NOL4L: variants seen among roughly 807,000 people sequenced by gnomAD.
NOL4L encodes nucleolar protein 4-like.
In NOL4L, 7 loss-of-function variants were observed where a neutral mutation model predicts 64.5. The ratio of observed to expected loss-of-function variants is 0.11; its 90% CI spans 0.06 to 0.20. The LOEUF (loss-of-function observed/expected upper bound fraction) is 0.20, where lower values mean the gene tolerates loss of function less well. NOL4L is among the 10% of genes least tolerant of loss of function. NOL4L has a pLI of 1.00. For missense variants in NOL4L, 680 were observed against 967.1 expected (o/e 0.70, Z 3.94); for synonymous variants, 413 against 401.0 (o/e 1.03, Z -0.36).
chr20:32,449,591 G>C (rs1416109160), intron 10 of NOL4L, among the ~76,000 whole-genome samples: 2 of 152,226 alleles, frequency 1.3e-5, no homozygotes, highest in Non-Finnish European at 2.9e-5. Flanking sequence ...TAGCGTCCTT[G>C]GAATTGAGAG....
At chr20:32,546,830 A>G (rs6119890) in intron 1 of NOL4L, among the ~76,000 whole-genome samples, 6,424 of 152,070 alleles carry the variant, frequency 0.042, 407 homozygotes, top group African/African-American at 0.15. Flanking sequence ...TTGACTTTCA[A>G]CTCCTTGGGT....
intron 1 of NOL4L, among the ~76,000 whole-genome samples, chr20:32,565,443 A>C (rs960674611): frequency 6.6e-6 from 1 of 152,182 alleles, no homozygotes; most frequent in African/African-American, 2.4e-5. Flanking sequence ...CATAGCACAC[A>C]TGTGCAGGAG....
At chr20:32,535,821 AGGGGCT>A in intron 1 of NOL4L, 1 of 985,364 alleles carries the variant, frequency 1.0e-6, no homozygotes, top group East Asian at 1.1e-4. Context: ...TTAGAAGGAG[AGGGGCT>A]GGGGAAATGC....
intron 1 of NOL4L, chr20:32,573,681 C>T: frequency 5.0e-6 from 1 of 201,416 alleles, no homozygotes; most frequent in Non-Finnish European, 1.0e-5. Context: ...CAAGACTGCA[C>T]AGCAGTAAGC....
At chr20:32,493,369 G>T (rs2016543174) in intron 4 of NOL4L, among the ~76,000 whole-genome samples, 1 of 152,140 alleles carries the variant, frequency 6.6e-6, no homozygotes, top group African/African-American at 2.4e-5. Context: ...AGGCTCTGGG[G>T]CCCGGGATGC....
intron 5 of NOL4L, among the ~76,000 whole-genome samples, chr20:32,468,439 C>G (rs752935663): frequency 1.1e-4 from 17 of 152,200 alleles, no homozygotes; most frequent in Non-Finnish European, 2.9e-5. Context: ...AGGCCACCTC[C>G]TCCCAGGCCC....
rs1422304562 is a variant in NOL4L at position 32,443,619 on chromosome 20, G to A, written c.*3977C>T. On this transcript the variant is annotated 3_prime_UTR_variant, in exon 11 of 11. Transcript: ENST00000621426. ...ATGGCTTGTACTATCTGCACTGAAA[G>A]TCTTAAATCTCATCTCAGATATGGA... 1 of 152,240 alleles carries A rather than the reference G, an allele frequency of 6.6e-6. No homozygotes were observed. Among genetic ancestry groups the A allele is most frequent in the Non-Finnish European group, 1.5e-5 (1 of 68,056 alleles). The allele number at this position is 152,240 out of a possible 1,614,324, so 9.4% of individuals were successfully genotyped here. A position where few individuals can be genotyped will look rare whatever the true frequency, so the allele number is the denominator to read the frequency against.
chr20:32,455,809 G>T (rs2013443515), intron 6 of NOL4L, among the ~76,000 whole-genome samples: 1 of 152,248 alleles, frequency 6.6e-6, no homozygotes, highest in Non-Finnish European at 1.5e-5. Flanking sequence ...ATCCCCAGCA[G>T]ATGCTGTTCT....
chr20:32,490,530 A>G (rs891630949), intron 4 of NOL4L, among the ~76,000 whole-genome samples: 1 of 152,134 alleles, frequency 6.6e-6, no homozygotes, highest in South Asian at 2.1e-4. Context: ...CATAGCGCTG[A>G]CTATCCATTT....
intron 1 of NOL4L, among the ~76,000 whole-genome samples, chr20:32,560,250 G>A (rs1347922069): frequency 1.3e-5 from 2 of 152,192 alleles, no homozygotes; most frequent in Non-Finnish European, 2.9e-5. Flanking sequence ...TGGCCAGGGT[G>A]GGGCCCTGGC....
chr20:32,535,636 C>T (rs2018496154), intron 1 of NOL4L: 1 of 985,448 alleles, frequency 1.0e-6, no homozygotes, highest in East Asian at 1.1e-4. Flanking sequence ...GAGAAAGGTG[C>T]CTGGGACCAG....
chr20:32,485,537 T>C (rs2016053932), intron 4 of NOL4L: 1 of 319,158 alleles, frequency 3.1e-6, no homozygotes, highest in Non-Finnish European at 6.3e-6. Context: ...TTTAGGCACA[T>C]TTACTCATTT....
At chr20:32,455,142 T>C (rs1393805793) in intron 6 of NOL4L, among the ~76,000 whole-genome samples, 2 of 152,194 alleles carry the variant, frequency 1.3e-5, no homozygotes. Context: ...GAGAAAAAAC[T>C]AAGATAGGAG....
intron 5 of NOL4L, among the ~76,000 whole-genome samples, chr20:32,462,759 G>T (rs2145451812): frequency 6.6e-6 from 1 of 152,036 alleles, no homozygotes; most frequent in South Asian, 2.1e-4. Context: ...ACAAAAATTA[G>T]CTGGGCGTGG....
At chr20:32,488,895 CCTCT>C (rs1467953683) in intron 4 of NOL4L, among the ~76,000 whole-genome samples, 1 of 120,410 alleles carries the variant, frequency 8.3e-6, no homozygotes, top group East Asian at 2.3e-4. Context: ...TTCTTTCTTT[CCTCT>C]CTCTTTCTTT....
rs554650941 is a variant in NOL4L, at chr20:32,511,227, G to A, written c.699+120C>T. ...CTGGACAACCCAGATAACCAGATAA[G>A]GGCCTCTTTGATTTCCCGTGTGTTT... On this transcript the variant is annotated intron_variant, in intron 4 of 10. Coordinates refer to ENST00000621426, the MANE Select transcript of NOL4L (RefSeq NM_001256798.2). 9 of 649,102 alleles carry A rather than the reference G, an allele frequency of 1.4e-5. No individual in the cohort carries two copies. In the African/African-American group the frequency reaches 1.6e-4, roughly 12 times the overall value. 40.2% of individuals were successfully genotyped at this position (649,102 alleles called of 1,614,324 possible).
At chr20:32,556,893 C>A (rs1413645488) in intron 1 of NOL4L, among the ~76,000 whole-genome samples, 1 of 152,240 alleles carries the variant, frequency 6.6e-6, no homozygotes, top group Non-Finnish European at 1.5e-5. Flanking sequence ...GCTCCTTCTG[C>A]ACCAGCGACG....
At chr20:32,468,900 CAAAAAAA>C (rs555969764) in intron 5 of NOL4L, among the ~76,000 whole-genome samples, 2 of 95,302 alleles carry the variant, frequency 2.1e-5, no homozygotes, top group Non-Finnish European at 4.4e-5. Flanking sequence ...GACTCCATCT[CAAAAAAA>C]AAAAAAAAAA....
intron 4 of NOL4L, among the ~76,000 whole-genome samples, chr20:32,495,390 C>G (rs1450627725): frequency 2.6e-5 from 4 of 152,146 alleles, no homozygotes; most frequent in Non-Finnish European, 5.9e-5. Flanking sequence ...TCTTCGGCAC[C>G]GCAAGCCAAA....
Sources: allele counts gnomAD v4.1 joint callset (sites outside exome capture counted in the v4.1 genomes callset), GRCh38; gene constraint gnomAD v4.1.1; transcripts MANE v1.5; gene names NCBI Gene and HGNC (gene_info 2026-07-23, HGNC 2026-07-21).